PSMF1: variants seen among roughly 807,000 people sequenced by gnomAD.
The protein encoded by PSMF1 is proteasome inhibitor PI31 subunit.
Under a neutral mutation model 29.3 loss-of-function variants are expected in PSMF1, and 30 were observed. The observed-to-expected ratio is 1.02, with a 90% CI of 0.77 to 1.39. PSMF1 has a LOEUF of 1.39. Ranked by LOEUF, PSMF1 falls within the 40% of genes most tolerant of loss-of-function variation. The pLI is 0.00. For missense variants in PSMF1, 344 were observed against 357.5 expected (o/e 0.96, Z 0.31); for synonymous variants, 134 against 139.7 (o/e 0.96, Z 0.29).
At chr20:1,128,659 T>C (rs901607304) in intron 3 of PSMF1, among the ~76,000 whole-genome samples, 7 of 152,052 alleles carry the variant, frequency 4.6e-5, no homozygotes, top group African/African-American at 1.7e-4. Context: ...GTTAAGCTGA[T>C]TTATGTCTGC....
Position 1,163,457 on chromosome 20 carries a change from G to C in PSMF1, c.605+274G>C, listed in dbSNP as rs549046260. 6.6e-6 allele frequency among the ~76,000 whole-genome samples: 1 copy of C among 152,298 alleles called. No individual in the cohort carries two copies. The highest frequency in any genetic ancestry group is 1.9e-4 in the East Asian group (1 of 5,184). On this transcript the variant is annotated intron_variant, in intron 5 of 6. Coordinates refer to ENST00000335877, the MANE Select transcript of PSMF1 (RefSeq NM_006814.5). This position sits in a 1 kb window ranked among gnomAD's most constrained non-coding sequence, Gnocchi z 6.1. Reference sequence around the variant, plus strand: ...TCCCCCTGCCCACCCTAGTTTATCAGATGTATAGTGAGGAGCACATGGTGG... The same window carrying C: ...TCCCCCTGCCCACCCTAGTTTATCACATGTATAGTGAGGAGCACATGGTGG...
rs1488706820 is a variant in PSMF1 at position 1,170,398 on chromosome 20, A to AT, written c.*5322dup. Among the ~76,000 whole-genome samples, 16 of 152,120 alleles carry AT rather than the reference A, an allele frequency of 1.1e-4. No individual in the cohort carries two copies. Among genetic ancestry groups the AT allele is most frequent in the Admixed American group, 4.6e-4 (7 of 15,280 alleles). ...GAACTCTGATTCGAAGTTTTCGTTG[A>AT]TTTTACCCCCAGTATCCACTCCATT... On this transcript the variant is annotated 3_prime_UTR_variant, in exon 7 of 7. Transcript: ENST00000335877.
chr20:1,142,497 A>G (rs1223384073), intron 4 of PSMF1, among the ~76,000 whole-genome samples: 2 of 143,514 alleles, frequency 1.4e-5, no homozygotes, highest in South Asian at 4.3e-4. Flanking sequence ...TTCAATTCCC[A>G]CCTATGAGTG....
rs1034590924 is a variant in PSMF1 at position 1,169,458 on chromosome 20, G to T, written c.*4378G>T. Among the ~76,000 whole-genome samples, 1 of 152,212 alleles carries T rather than the reference G, an allele frequency of 6.6e-6. No homozygotes were observed. The highest frequency in any genetic ancestry group is 1.5e-5 in the Non-Finnish European group (1 of 68,044). On this transcript the variant is annotated 3_prime_UTR_variant, in exon 7 of 7. Transcript: ENST00000335877. ...ACTGGATGCCCATTTGAACAGCTGC[G>T]TTCCAGATGAGCCACCTAAGGTGGA...
chr20:1,169,277 G>C lies in PSMF1; in HGVS notation c.*4197G>C, dbSNP rs1272020157. The stretch of plus-strand genomic sequence containing the variant: ...TGGCAGGTAGGATGGTAGGCAGTGA[G>C]GGGTGGCAAGGCCTAGCTGACTGAG... On this transcript the variant is annotated 3_prime_UTR_variant, in exon 7 of 7. Transcript: ENST00000335877. 6.6e-6 allele frequency among the ~76,000 whole-genome samples: 1 copy of C among 152,154 alleles called. No individual in the cohort carries two copies. Among genetic ancestry groups the C allele is most frequent in the African/African-American group, 2.4e-5 (1 of 41,404 alleles).
chr20:1,138,577 A>T (rs1454811578), intron 4 of PSMF1, among the ~76,000 whole-genome samples: 1 of 152,076 alleles, frequency 6.6e-6, no homozygotes, highest in African/African-American at 2.4e-5. Flanking sequence ...CTCGATAGAA[A>T]AATAGCATTT....
At chr20:1,119,365 A>G (rs1164748639) in intron 1 of PSMF1, among the ~76,000 whole-genome samples, 1 of 152,148 alleles carries the variant, frequency 6.6e-6, no homozygotes, top group Admixed American at 6.5e-5. Flanking sequence ...GCACAGGTAC[A>G]GGAGTGAGCT....
intron 2 of PSMF1, among the ~76,000 whole-genome samples, chr20:1,126,971 A>G (rs1411119334): frequency 2.0e-5 from 3 of 152,122 alleles, no homozygotes; most frequent in Non-Finnish European, 4.4e-5. Context: ...ATGCCCCGGA[A>G]ACCACTGCTG....
intron 4 of PSMF1, among the ~76,000 whole-genome samples, chr20:1,151,472 CA>C (rs1465481581): frequency 6.6e-6 from 1 of 152,198 alleles, no homozygotes; most frequent in Non-Finnish European, 1.5e-5. Context: ...GTATTTTACA[CA>C]AGAGAAAGCT....
At chr20:1,131,444 G>A (rs892896562) in intron 3 of PSMF1, among the ~76,000 whole-genome samples, 3 of 152,200 alleles carry the variant, frequency 2.0e-5, no homozygotes, top group African/African-American at 7.2e-5. Context: ...GGAATGAGAT[G>A]TCAGCACATA....
intron 4 of PSMF1, chr20:1,161,328 A>T (rs1033019587): frequency 9.2e-6 from 3 of 325,682 alleles, no homozygotes; most frequent in African/African-American, 4.3e-5. Flanking sequence ...CATTGGCAAC[A>T]TGCAGTTCCA....
At chr20:1,120,156 C>G (rs944512481) in intron 1 of PSMF1, among the ~76,000 whole-genome samples, 3 of 152,106 alleles carry the variant, frequency 2.0e-5, no homozygotes, top group African/African-American at 7.2e-5. Flanking sequence ...CACTTTACCC[C>G]CTCCAGCAGG....
At chr20:1,131,452 A>C (rs1453950005) in intron 3 of PSMF1, among the ~76,000 whole-genome samples, 1 of 152,246 alleles carries the variant, frequency 6.6e-6, no homozygotes, top group African/African-American at 2.4e-5. Context: ...ATGTCAGCAC[A>C]TAGAGTGCTT....
At chr20:1,134,705 G>A (rs894902359) in intron 3 of PSMF1, 7 of 291,688 alleles carry the variant, frequency 2.4e-5, no homozygotes, top group South Asian at 6.3e-5. Context: ...AGCTCTGCCT[G>A]CCTGGAACAG....
In PSMF1 at chr20:1,147,450, G is replaced by A. The variant is rs556744463; in HGVS notation, c.551+12144G>A. 3.9e-5 allele frequency among the ~76,000 whole-genome samples: 6 copies of A among 152,282 alleles called. No homozygotes were observed. In the South Asian group the frequency reaches 6.2e-4, roughly 16 times the overall value. On this transcript the variant is annotated intron_variant, in intron 4 of 6. Transcript: ENST00000335877. ...TGCTTTTCCCACTGCACCTGTCAGC[G>A]TTAGTTCATGTAATAAGCAATGTGG...
chr20:1,130,678 C>G (rs2086217232), intron 3 of PSMF1, among the ~76,000 whole-genome samples: 1 of 152,088 alleles, frequency 6.6e-6, no homozygotes, highest in Non-Finnish European at 1.5e-5. Context: ...CCCAGGCAGG[C>G]TGGAGTACAG....
In PSMF1 at chr20:1,169,836, T is replaced by C. The variant is rs2122636427; in HGVS notation, c.*4756T>C. On this transcript the variant is annotated 3_prime_UTR_variant, in exon 7 of 7. Coordinates refer to ENST00000335877, the MANE Select transcript of PSMF1 (RefSeq NM_006814.5). ...GGCATGGAATATTGGGGAGATGTCTTTATTCCCTCTTCCCACCTTTCCTGG... is the reference window on the plus strand; with the variant it reads ...GGCATGGAATATTGGGGAGATGTCTCTATTCCCTCTTCCCACCTTTCCTGG... Among the ~76,000 whole-genome samples, 2 of 152,318 alleles carry C rather than the reference T, an allele frequency of 1.3e-5. No individual in the cohort carries two copies. Among genetic ancestry groups the C allele is most frequent in the Middle Eastern group, 6.8e-3 (2 of 294 alleles).
At chr20:1,155,090 T>G (rs575429164) in intron 4 of PSMF1, among the ~76,000 whole-genome samples, 2 of 152,336 alleles carry the variant, frequency 1.3e-5, no homozygotes, top group African/African-American at 4.8e-5. Context: ...AGCAGAGTTT[T>G]AAGTACCGCT....
Position 1,163,089 on chromosome 20 carries a change from C to T in PSMF1, c.552-41C>T. 6.2e-7 allele frequency: 1 copy of T among 1,610,098 alleles called. No homozygotes were observed. The highest frequency in any genetic ancestry group is 8.5e-7 in the Non-Finnish European group (1 of 1,176,896). On this transcript the variant is annotated intron_variant, in intron 4 of 6. Transcript: ENST00000335877. This position sits in a 1 kb window ranked among gnomAD's most constrained non-coding sequence, Gnocchi z 6.1. ...GATCCCACATGTATCAGGTGCCTGG[C>T]TGCTCTGGGACTTGCAGTAATTGTC...
Sources: allele counts gnomAD v4.1 joint callset (sites outside exome capture counted in the v4.1 genomes callset), GRCh38; gene constraint gnomAD v4.1.1; non-coding constraint Gnocchi (gnomAD v3.1); transcripts MANE v1.5; gene names NCBI Gene and HGNC (gene_info 2026-07-23, HGNC 2026-07-21).